Variants in ASIC2 observed in about 807,000 individuals in gnomAD.
ASIC2 encodes acid-sensing ion channel 2.
ASIC2 carries 25 observed loss-of-function variants against 57.3 expected under a neutral mutation model. The ratio of observed to expected loss-of-function variants is 0.44; its 90% CI spans 0.32 to 0.61. The LOEUF is 0.61. Ranked by LOEUF, ASIC2 falls within the 20% of genes least tolerant of loss-of-function variation. ASIC2 has a pLI of 0.06. For synonymous variants in ASIC2, 319 were observed against 307.5 expected (o/e 1.04, Z -0.39); for missense variants, 641 against 738.1 (o/e 0.87, Z 1.52).
intron 1 of ASIC2, among the ~76,000 whole-genome samples, chr17:33,354,530 C>G (rs1434444218): frequency 6.6e-6 from 1 of 152,150 alleles, no homozygotes; most frequent in Non-Finnish European, 1.5e-5. Flanking sequence ...TCCACCAGCT[C>G]TCCCTGCAGC....
At chr17:33,911,201 G>A (rs997254451) in intron 1 of ASIC2, among the ~76,000 whole-genome samples, 2 of 152,204 alleles carry the variant, frequency 1.3e-5, no homozygotes, top group African/African-American at 4.8e-5. Context: ...AGAGAAAGAA[G>A]ATAACAGTTT....
At chr17:33,491,299 G>T (rs1019354798) in intron 1 of ASIC2, among the ~76,000 whole-genome samples, 1 of 152,094 alleles carries the variant, frequency 6.6e-6, no homozygotes, top group Non-Finnish European at 1.5e-5. Flanking sequence ...CCTCCCCTCG[G>T]CTCTAACATG....
At chr17:33,823,620 G>A (rs1912816243) in intron 1 of ASIC2, among the ~76,000 whole-genome samples, 1 of 152,166 alleles carries the variant, frequency 6.6e-6, no homozygotes, top group South Asian at 2.1e-4. Context: ...CTTTCATTAT[G>A]TATGTCCTTT....
chr17:33,827,208 AG>A (rs1429497935), intron 1 of ASIC2, among the ~76,000 whole-genome samples: 4 of 152,132 alleles, frequency 2.6e-5, no homozygotes, highest in Admixed American at 6.5e-5. Context: ...AGAAATATTC[AG>A]TTGCAGTCAG....
At chr17:34,065,086 T>C (rs1050809405) in intron 1 of ASIC2, among the ~76,000 whole-genome samples, 1 of 152,234 alleles carries the variant, frequency 6.6e-6, no homozygotes, top group Non-Finnish European at 1.5e-5. Context: ...TGCATGTTTA[T>C]AGCAGCACAA....
chr17:33,882,216 T>C (rs1210297677), intron 1 of ASIC2, among the ~76,000 whole-genome samples: 5 of 152,176 alleles, frequency 3.3e-5, no homozygotes, highest in Non-Finnish European at 4.4e-5. Context: ...ACTTCATGTC[T>C]AAAACACCAA....
chr17:33,900,347 C>A (rs890629514), intron 1 of ASIC2, among the ~76,000 whole-genome samples: 15 of 152,082 alleles, frequency 9.9e-5, no homozygotes, highest in African/African-American at 3.4e-4. Flanking sequence ...GGATATTATT[C>A]CATAGGGTCT....
chr17:33,823,665 G>A (rs1912818064), intron 1 of ASIC2, among the ~76,000 whole-genome samples: 1 of 152,144 alleles, frequency 6.6e-6, no homozygotes, highest in Admixed American at 6.5e-5. Flanking sequence ...TGGTCTCTAT[G>A]TTGCAGGCAC....
In ASIC2 at chr17:34,119,612, G is replaced by GACACAC. The variant is rs71369048; in HGVS notation, c.555+36360_555+36365dup. Among the ~76,000 whole-genome samples, 617 of 148,018 alleles carry GACACAC rather than the reference G, an allele frequency of 4.2e-3. 2 individuals are homozygous for GACACAC. Among genetic ancestry groups the GACACAC allele is most frequent in the Middle Eastern group, 0.027 (8 of 292 alleles). On this transcript the variant is annotated intron_variant, in intron 1 of 9. Transcript: ENST00000359872. ...CTATGAGCTTCCCTTTCTCTACACA[G>GACACAC]ACACACACACACACACACACACACA...
At chr17:33,564,312 C>T (rs554775945) in intron 1 of ASIC2, among the ~76,000 whole-genome samples, 10 of 152,192 alleles carry the variant, frequency 6.6e-5, no homozygotes, top group South Asian at 2.1e-4. Context: ...GTTAAGGAGG[C>T]CTGCCCTGAC....
intron 1 of ASIC2, among the ~76,000 whole-genome samples, chr17:33,394,064 C>T (rs1909991848): frequency 6.6e-6 from 1 of 152,214 alleles, no homozygotes; most frequent in Admixed American, 6.5e-5. Flanking sequence ...GAGTTTAGCA[C>T]ACCTCTGGCA....
chr17:34,049,199 G>A (rs1162386704), intron 1 of ASIC2, among the ~76,000 whole-genome samples: 3 of 151,906 alleles, frequency 2.0e-5, no homozygotes, highest in Non-Finnish European at 4.4e-5. Context: ...GGCTAATGTG[G>A]GAGGATCACT....
chr17:33,441,750 TTTA>T (rs1911830481), intron 1 of ASIC2, among the ~76,000 whole-genome samples: 1 of 152,150 alleles, frequency 6.6e-6, no homozygotes, highest in Admixed American at 6.6e-5. Flanking sequence ...TTCCCCCCAG[TTTA>T]TTATTAATCA....
chr17:33,561,249 A>G (rs1254654543), intron 1 of ASIC2, among the ~76,000 whole-genome samples: 1 of 152,206 alleles, frequency 6.6e-6, no homozygotes, highest in African/African-American at 2.4e-5. Context: ...CAAAGGTCAA[A>G]TTCCAGCTTT....
At chr17:33,475,504 A>G (rs1913190933) in intron 1 of ASIC2, among the ~76,000 whole-genome samples, 2 of 152,210 alleles carry the variant, frequency 1.3e-5, no homozygotes, top group East Asian at 1.9e-4. Context: ...TTTGCACTCA[A>G]CGTTATGTGA....
intron 1 of ASIC2, among the ~76,000 whole-genome samples, chr17:33,957,436 G>A (rs1904771617): frequency 6.6e-6 from 1 of 152,172 alleles, no homozygotes; most frequent in Admixed American, 6.5e-5. Context: ...ATAAAGATAA[G>A]AGGTTTAATG....
At position 33,564,232 on chromosome 17, in the gene ASIC2, T is replaced by A. The variant is rs1028906855; in HGVS notation, c.556-452165A>T. Reference sequence around the variant, plus strand: ...TCTCGTTTTAAAGCCTGCATCCCTATCTCCAAGTCAGCAATCCAATTAGTG... The same window carrying A: ...TCTCGTTTTAAAGCCTGCATCCCTAACTCCAAGTCAGCAATCCAATTAGTG... On this transcript the variant is annotated intron_variant, in intron 1 of 9. Coordinates refer to the ASIC2 transcript ENST00000359872. 2.6e-5 allele frequency among the ~76,000 whole-genome samples: 4 copies of A among 152,182 alleles called. No individual in the cohort carries two copies. In the East Asian group the frequency reaches 7.7e-4, roughly 29 times the overall value.
intron 1 of ASIC2, among the ~76,000 whole-genome samples, chr17:33,313,944 T>G (rs540586354): frequency 2.0e-5 from 3 of 152,100 alleles, no homozygotes; most frequent in African/African-American, 7.2e-5. Flanking sequence ...GTGACCCCCT[T>G]CTTCATGGAG....
intron 1 of ASIC2, among the ~76,000 whole-genome samples, chr17:33,985,243 T>C (rs1474936827): frequency 6.6e-6 from 1 of 152,188 alleles, no homozygotes; most frequent in Non-Finnish European, 1.5e-5. Context: ...AAATGATCTA[T>C]ATAAAGTACA....
Sources: allele counts gnomAD v4.1 joint callset (sites outside exome capture counted in the v4.1 genomes callset), GRCh38; gene constraint gnomAD v4.1.1; transcripts MANE v1.5; gene names NCBI Gene and HGNC (gene_info 2026-07-23, HGNC 2026-07-21).